The following ANXA6 variants were observed in gnomAD, a reference collection of about 807,000 sequenced individuals.
ANXA6 encodes 67 kDa calelectrin.
ANXA6 carries 71 observed loss-of-function variants against 95.4 expected under a neutral mutation model. The observed-to-expected ratio is 0.74, with a 90% CI of 0.61 to 0.91. The LOEUF (loss-of-function observed/expected upper bound fraction) is 0.91, where lower values mean the gene tolerates loss of function less well. ANXA6 is among the 40% of genes least tolerant of loss of function. The probability of loss-of-function intolerance (pLI) is 0.00; values close to 1 mark genes in which losing one functional copy is unlikely to be tolerated. For synonymous variants in ANXA6, 289 were observed against 315.9 expected, an observed-to-expected ratio of 0.91 and a Z score of 0.90; for missense variants, 830 against 876.4, an observed-to-expected ratio of 0.95 and a Z score of 0.67.
chr5:151,138,633 T>C, intron 5 of ANXA6, 45 bp downstream of exon 5: 2 of 1,429,630 alleles, frequency 1.4e-6, no homozygotes, highest in Non-Finnish European at 2.0e-6. Flanking sequence ...ATCTTCCCAT[T>C]AACCACATCC....
At chr5:151,120,753 G>A (rs540791333) in intron 17 of ANXA6, among the ~76,000 whole-genome samples, 1 of 152,260 alleles carries the variant, frequency 6.6e-6, no homozygotes, top group African/African-American at 2.4e-5. Context: ...GGCAAGACAT[G>A]TTCTCTGTCC....
intron 2 of ANXA6, among the ~76,000 whole-genome samples, chr5:151,147,557 C>T (rs1228884003): frequency 6.6e-6 from 1 of 152,114 alleles, no homozygotes; most frequent in Non-Finnish European, 1.5e-5. Flanking sequence ...ATGAAGCCAC[C>T]GGAAGAAGCC....
intron 2 of ANXA6, among the ~76,000 whole-genome samples, chr5:151,142,760 G>A (rs969491120): frequency 5.9e-5 from 9 of 152,250 alleles, no homozygotes; most frequent in Admixed American, 5.2e-4. Flanking sequence ...CGCCGAAGGG[G>A]AAGACAGTGA....
intron 20 of ANXA6, 59 bp from the exon 21 acceptor site, chr5:151,110,703 G>A: frequency 6.3e-7 from 1 of 1,599,510 alleles, no homozygotes; most frequent in Non-Finnish European, 8.6e-7. Context: ...AGAGGAGGTT[G>A]GGGAGGCTGG....
At chr5:151,108,744 C>T (rs1268628739) in intron 22 of ANXA6, among the ~76,000 whole-genome samples, 194 bp from the exon 23 acceptor site, 1 of 152,238 alleles carries the variant, frequency 6.6e-6, no homozygotes, top group East Asian at 1.9e-4. Context: ...TCAAGGCTGC[C>T]GTGGGCTCAG....
At position 151,119,304 on chromosome 5, in the gene ANXA6, C is replaced by G; in HGVS notation, c.1434G>C (p.Lys478Asn). 6.2e-7 allele frequency: 1 copy of G among 1,612,988 alleles called. No homozygotes were observed. The highest frequency in any genetic ancestry group is 8.5e-7 in the Non-Finnish European group (1 of 1,179,780). ...AEIRAINEAYKEDYHKSLEDA... is the reference protein window; with the variant it reads ...AEIRAINEAYNEDYHKSLEDA... ...GCCCAGGCCTCCCAAACTCACCCTC[C>G]TTATAGGCCTCATTGATGGCCCGGA... is the stretch of plus-strand genomic sequence containing the variant. Residue 478 changes from lysine (K) to asparagine (N), a missense_variant, in exon 18 of 26, where the codon AAG becomes AAC. Coordinates refer to ENST00000354546, the MANE Select transcript of ANXA6 (RefSeq NM_001155.5).
At chr5:151,157,402 G>T (rs559383972) in intron 1 of ANXA6, among the ~76,000 whole-genome samples, 17 of 152,100 alleles carry the variant, frequency 1.1e-4, no homozygotes, top group Admixed American at 2.0e-4. Context: ...CGGCGCCCAG[G>T]ACCCTCAACC....
intron 7 of ANXA6, 23 bp downstream of exon 7, chr5:151,136,233 A>G (rs779133794): frequency 5.6e-6 from 9 of 1,610,458 alleles, no homozygotes; most frequent in Admixed American, 3.3e-5. Context: ...GCTCCAGAGG[A>G]AAAAAATAGG....
At chr5:151,103,153 C>T (rs1341652017) in intron 25 of ANXA6, among the ~76,000 whole-genome samples, 8 of 152,078 alleles carry the variant, frequency 5.3e-5, no homozygotes, top group African/African-American at 1.7e-4. Context: ...TGAGCCAACA[C>T]ACCCAGCTAA....
chr5:151,148,625 G>C (rs993176648), intron 1 of ANXA6, among the ~76,000 whole-genome samples: 1 of 152,242 alleles, frequency 6.6e-6, no homozygotes, highest in African/African-American at 2.4e-5. Flanking sequence ...AGCTTATGCT[G>C]TAATGGGAAT....
chr5:151,157,507 C>G lies in ANXA6; in HGVS notation c.-26+173G>C, dbSNP rs538246675. Among the ~76,000 whole-genome samples, 17 of 152,354 alleles carry G rather than the reference C, an allele frequency of 1.1e-4. 1 individual carries two copies. The highest frequency in any genetic ancestry group is 3.4e-3 in the Middle Eastern group (1 of 294). ...CCCCGACCCCAGATTTGCTCCGCTG[C>G]GCTCCCCAGACACACCCAGTCTGCG... On this transcript the variant is annotated intron_variant, in intron 1 of 25. Transcript: ENST00000354546.
intron 20 of ANXA6, among the ~76,000 whole-genome samples, chr5:151,112,562 T>C (rs1228744972): frequency 6.6e-6 from 1 of 152,270 alleles, no homozygotes; most frequent in Admixed American, 6.5e-5. Context: ...CCAGGCACAG[T>C]AGCTCACACC....
Position 151,105,290 on chromosome 5 carries a change from CTTGACACTTTGAA to C in ANXA6, c.1781_1793del (p.Val594GlyfsTer15). On this transcript the variant is annotated frameshift_variant and splice_region_variant, in exon 24 of 26. Coordinates refer to ENST00000354546, the MANE Select transcript of ANXA6 (RefSeq NM_001155.5). LOFTEE classifies it high-confidence loss of function. Reference sequence around the variant, plus strand: ...TGTCGGCAAAGAAGAGAGGCTTGTTCTTGACACTTTGAACTGGTAGGAAGAGCAGAGAGATGCG... The same window carrying C: ...TGTCGGCAAAGAAGAGAGGCTTGTTCCTGGTAGGAAGAGCAGAGAGATGCG... 2 of 1,613,930 alleles carry C rather than the reference CTTGACACTTTGAA, an allele frequency of 1.2e-6. No individual in the cohort carries two copies. Among genetic ancestry groups the C allele is most frequent in the Non-Finnish European group, 1.7e-6 (2 of 1,179,834 alleles).
Position 151,131,224 on chromosome 5 carries a change from C to T in ANXA6, c.795+7G>A, listed in dbSNP as rs778095706. Reference sequence around the variant, plus strand: ...CAAACCCCATTCACATCAGCCCCACCACGCACCTTCATAGCCTTGAAGAGC... The same window carrying T: ...CAAACCCCATTCACATCAGCCCCACTACGCACCTTCATAGCCTTGAAGAGC... On this transcript the variant is annotated splice_region_variant and intron_variant, in intron 11 of 25. Coordinates refer to ENST00000354546, the MANE Select transcript of ANXA6 (RefSeq NM_001155.5). The T allele has an allele frequency of 6.8e-6, 11 of 1,613,880 alleles. No individual in the cohort carries two copies. The highest frequency in any genetic ancestry group is 5.5e-5 in the South Asian group (5 of 91,086).
At chr5:151,155,587 A>G (rs1766215221) in intron 1 of ANXA6, 1 of 152,194 alleles carries the variant, frequency 6.6e-6, no homozygotes, top group Non-Finnish European at 1.5e-5. Flanking sequence ...GGGTGCATGC[A>G]TGCTCAGGAA....
intron 25 of ANXA6, 121 bp from the exon 26 acceptor site, chr5:151,101,628 C>G: frequency 3.6e-6 from 3 of 834,600 alleles, no homozygotes; most frequent in Non-Finnish European, 6.1e-6. Flanking sequence ...AACATAGGAT[C>G]CCATGCCACA....
chr5:151,118,450 T>C (rs1765067665), intron 18 of ANXA6, among the ~76,000 whole-genome samples: 1 of 152,156 alleles, frequency 6.6e-6, no homozygotes, highest in Admixed American at 6.5e-5. Context: ...TTTGTTTTTT[T>C]TGAGATGGAG....
intron 17 of ANXA6, among the ~76,000 whole-genome samples, chr5:151,120,846 T>G (rs530762545): frequency 3.9e-5 from 6 of 152,240 alleles, no homozygotes; most frequent in Non-Finnish European, 7.3e-5. Flanking sequence ...TCTTCAATCA[T>G]TTCTTTGTTA....
chr5:151,105,142 A>T, intron 24 of ANXA6, 103 bp downstream of exon 24: 2 of 1,122,732 alleles, frequency 1.8e-6, no homozygotes, highest in Non-Finnish European at 2.7e-6. Flanking sequence ...GGGAAGAAAC[A>T]GCTGCCAGGA....
Sources: allele counts gnomAD v4.1 joint callset (sites outside exome capture counted in the v4.1 genomes callset), GRCh38; gene constraint gnomAD v4.1.1; transcripts MANE v1.5; gene names NCBI Gene and HGNC (gene_info 2026-07-23, HGNC 2026-07-21).